The following FMN2 variants were observed in gnomAD, a reference collection of about 807,000 sequenced individuals.
The protein encoded by FMN2 is formin 2.
A neutral mutation model predicts 142.3 loss-of-function variants in FMN2; 51 were observed. The observed-to-expected ratio is 0.36, with a 90% CI of 0.29 to 0.45. The LOEUF (loss-of-function observed/expected upper bound fraction) is 0.45. Ranked by LOEUF, FMN2 falls within the 20% of genes least tolerant of loss-of-function variation. FMN2 has a pLI of 1.00. For missense variants in FMN2, 1,936 were observed against 2,122.8 expected (o/e 0.91, Z 1.73); for synonymous variants, 882 against 869.8 (o/e 1.01, Z -0.25).
chr1:240,328,081 C>A (rs1377751219), intron 8 of FMN2, among the ~76,000 whole-genome samples: 1 of 135,816 alleles, frequency 7.4e-6, no homozygotes, highest in Non-Finnish European at 1.5e-5. Context: ...CCGGGAGGCG[C>A]AGGTTGTAGT....
chr1:240,429,889 T>G (rs1204917911), intron 15 of FMN2, among the ~76,000 whole-genome samples: 33 of 137,910 alleles, frequency 2.4e-4, no homozygotes, highest in African/African-American at 1.2e-3. Flanking sequence ...TTTTTGTTTT[T>G]TTTTTGTTTT....
intron 15 of FMN2, among the ~76,000 whole-genome samples, chr1:240,413,157 A>G (rs1674470889): frequency 6.7e-6 from 1 of 149,210 alleles, no homozygotes; most frequent in Non-Finnish European, 1.5e-5. Context: ...AAAGCAGCAA[A>G]TAAACATAAT....
intron 15 of FMN2, among the ~76,000 whole-genome samples, chr1:240,417,320 G>T (rs548112663): frequency 1.3e-5 from 2 of 151,474 alleles, no homozygotes; most frequent in Non-Finnish European, 2.9e-5. Context: ...ATGTGGGCTC[G>T]ATTTAAAGTC....
At chr1:240,143,975 T>G (rs563634101) in intron 2 of FMN2, 1 of 1,385,050 alleles carries the variant, frequency 7.2e-7, no homozygotes, top group African/African-American at 1.4e-5. Flanking sequence ...GAGAACATAG[T>G]CTGAAAGCAG....
Position 240,123,753 on chromosome 1 carries a change from C to T in FMN2, c.1782+408C>T, listed in dbSNP as rs553528400. ...CATTGACGTGGTTGTGCATCCACCA[C>T]CACCATCCATCTTTAGAACTCTTTT... On this transcript the variant is annotated intron_variant, in intron 2 of 17. Coordinates refer to ENST00000319653, the MANE Select transcript of FMN2 (RefSeq NM_020066.5). Among the ~76,000 whole-genome samples, 3 of 152,312 alleles carry T rather than the reference C, an allele frequency of 2.0e-5. No homozygotes were observed. In the East Asian group the frequency reaches 5.8e-4, roughly 29 times the overall value.
intron 8 of FMN2, among the ~76,000 whole-genome samples, chr1:240,310,554 G>A (rs1253718424): frequency 6.6e-6 from 1 of 152,156 alleles, no homozygotes; most frequent in Non-Finnish European, 1.5e-5. Flanking sequence ...GTTACTAAAT[G>A]CAGTACAACC....
intron 13 of FMN2, 152 bp from the exon 14 acceptor site, chr1:240,355,664 G>A (rs1224340611): frequency 2.1e-6 from 1 of 483,070 alleles, no homozygotes; most frequent in African/African-American, 2.0e-5. Flanking sequence ...GGCTTCTCAT[G>A]TCCGTATTTG....
chr1:240,114,840 T>C (rs1270755880), intron 1 of FMN2, among the ~76,000 whole-genome samples: 4 of 152,032 alleles, frequency 2.6e-5, no homozygotes, highest in Admixed American at 2.6e-4. Flanking sequence ...GTATTTTTAG[T>C]AGAGATGGGG....
chr1:240,131,377 G>C lies in FMN2; in HGVS notation c.1782+8032G>C, dbSNP rs554669522. Among the ~76,000 whole-genome samples the C allele has an allele frequency of 5.2e-3, 794 of 152,150 alleles. 3 individuals are homozygous for C. The highest frequency in any genetic ancestry group is 0.031 in the South Asian group (149 of 4,806). ...GATAACACCTGGGGCAAGACCTGAGGCATGCGTAGGAGTTTGCTGTGGGGA... is the reference window on the plus strand; with the variant it reads ...GATAACACCTGGGGCAAGACCTGAGCCATGCGTAGGAGTTTGCTGTGGGGA... On this transcript the variant is annotated intron_variant, in intron 2 of 17. Coordinates refer to ENST00000319653, the MANE Select transcript of FMN2 (RefSeq NM_020066.5).
chr1:240,418,085 A>T (rs10926251), intron 15 of FMN2, among the ~76,000 whole-genome samples: 3,936 of 152,052 alleles, frequency 0.026, 178 homozygotes, highest in African/African-American at 0.089. Flanking sequence ...TCTGGGCTAT[A>T]GTGATTAAGA....
rs572749315 is a variant in FMN2 at position 240,334,231 on chromosome 1, T to A, written c.4765+2T>A. ...GAAAACTGAAGAAAGACTTGAAAGG[T>A]AACTTAAAATCCTGAACTCATGTTT... is the stretch of plus-strand genomic sequence containing the variant. On this transcript the variant is annotated splice_donor_variant, in intron 13 of 17. Transcript: ENST00000319653. LOFTEE classifies it high-confidence loss of function. 1 of 1,591,904 alleles carries A rather than the reference T, an allele frequency of 6.3e-7. No individual in the cohort carries two copies. The highest frequency in any genetic ancestry group is 1.4e-5 in the African/African-American group (1 of 73,674).
At chr1:240,169,960 A>G (rs1664635451) in intron 2 of FMN2, among the ~76,000 whole-genome samples, 1 of 152,164 alleles carries the variant, frequency 6.6e-6, no homozygotes, top group South Asian at 2.1e-4. Context: ...GCTGGCCTTG[A>G]TAGACAATTG....
intron 8 of FMN2, among the ~76,000 whole-genome samples, chr1:240,316,636 A>G (rs1257949210): frequency 6.6e-6 from 1 of 152,124 alleles, no homozygotes; most frequent in East Asian, 1.9e-4. Context: ...TTTCTTGGGT[A>G]TTTGGATCAC....
intron 6 of FMN2, among the ~76,000 whole-genome samples, chr1:240,246,048 C>T (rs546123662): frequency 7.9e-5 from 12 of 152,180 alleles, no homozygotes; most frequent in Admixed American, 2.6e-4. Context: ...GGCATGGTGG[C>T]GGATGCCTGT....
intron 1 of FMN2, among the ~76,000 whole-genome samples, chr1:240,115,146 C>T (rs763403857): frequency 1.3e-5 from 2 of 152,058 alleles, no homozygotes; most frequent in African/African-American, 4.8e-5. Flanking sequence ...TTTCTGGTTT[C>T]TTTAAATATA....
At chr1:240,214,281 G>A (rs964480879) in intron 6 of FMN2, among the ~76,000 whole-genome samples, 3 of 152,124 alleles carry the variant, frequency 2.0e-5, no homozygotes, top group Non-Finnish European at 2.9e-5. Flanking sequence ...GCCGGGTGTG[G>A]TGGCTCACGC....
At chr1:240,253,863 A>T (rs537816600) in intron 6 of FMN2, among the ~76,000 whole-genome samples, 1 of 152,134 alleles carries the variant, frequency 6.6e-6, no homozygotes, top group Non-Finnish European at 1.5e-5. Context: ...TTCATCTGTA[A>T]GTGTCAGTAG....
intron 15 of FMN2, among the ~76,000 whole-genome samples, chr1:240,431,423 T>TATATATATATATATATATATAC (rs1491221486): frequency 7.6e-6 from 1 of 130,954 alleles, no homozygotes; most frequent in African/African-American, 2.8e-5. Flanking sequence ...TATATATATA[T>TATATATATATATATATATATAC]ACATATATAT....
chr1:240,396,306 G>A (rs1488426486), intron 15 of FMN2, among the ~76,000 whole-genome samples: 2 of 61,952 alleles, frequency 3.2e-5, no homozygotes, highest in African/African-American at 1.5e-4. Flanking sequence ...AGGTTTTCGT[G>A]TGTGTGTGTG....
Sources: gnomAD v4.1 joint callset for allele counts (sites outside exome capture counted in the v4.1 genomes callset) on GRCh38, gnomAD v4.1.1 for gene constraint, MANE v1.5 for transcripts, NCBI Gene and HGNC (gene_info 2026-07-23, HGNC 2026-07-21) for gene names.